LUC7L3: variants seen among roughly 807,000 people sequenced by gnomAD.
The protein encoded by LUC7L3 is LUC7 like 3 pre-mRNA splicing factor, also known as luc7-like protein 3.
In LUC7L3, 6 loss-of-function variants were observed where a neutral mutation model predicts 66.8. The ratio of observed to expected loss-of-function variants is 0.09; its 90% CI spans 0.05 to 0.18. The LOEUF (loss-of-function observed/expected upper bound fraction) is 0.18. LUC7L3 is among the 10% of genes least tolerant of loss of function. LUC7L3 has a pLI of 1.00. For synonymous variants in LUC7L3, 160 were observed against 174.7 expected, an observed-to-expected ratio of 0.92 and a Z score of 0.66; for missense variants, 341 against 531.1, an observed-to-expected ratio of 0.64 and a Z score of 3.52.
At chr17:50,730,529 A>AAAAAAAAAAAAAAAAAAAG (rs1567861403) in intron 1 of LUC7L3, among the ~76,000 whole-genome samples, 1 of 150,816 alleles carries the variant, frequency 6.6e-6, no homozygotes, top group African/African-American at 2.5e-5. Flanking sequence ...AAAAAAAAAA[A>AAAAAAAAAAAAAAAAAAAG]AAAAAAAAAG....
intron 1 of LUC7L3, among the ~76,000 whole-genome samples, chr17:50,725,880 A>G (rs576822602): frequency 1.3e-5 from 2 of 152,372 alleles, no homozygotes; most frequent in South Asian, 4.1e-4. Context: ...CACACAGTAC[A>G]TGGTGCCACT....
chr17:50,745,645 C>T, intron 7 of LUC7L3, 75 bp from the exon 8 acceptor site: 1 of 1,211,418 alleles, frequency 8.3e-7, no homozygotes, highest in Non-Finnish European at 1.2e-6. Context: ...CTACAGATAA[C>T]TTCACATTAG....
intron 5 of LUC7L3, among the ~76,000 whole-genome samples, chr17:50,742,937 A>T (rs967662700): frequency 1.3e-5 from 2 of 152,216 alleles, no homozygotes; most frequent in African/African-American, 4.8e-5. Flanking sequence ...GGTGGATCTT[A>T]AAATAATTAG....
Position 50,753,099 on chromosome 17 carries a change from C to T in LUC7L3, c.*2438C>T, listed in dbSNP as rs1282424788. ...TGTATAGGGTGTGTAGTATATATGG[C>T]AAGGGTTTTTTCCCCCCACTTAAGT... On this transcript the variant is annotated 3_prime_UTR_variant, in exon 10 of 10. Coordinates refer to ENST00000505658, the MANE Select transcript of LUC7L3 (RefSeq NM_016424.5). 1 of 152,122 alleles carries T rather than the reference C, an allele frequency of 6.6e-6. No homozygotes were observed. The highest frequency in any genetic ancestry group is 2.4e-5 in the African/African-American group (1 of 41,440). The allele number at this position is 152,122 out of a possible 1,614,324, so 9.4% of individuals were successfully genotyped here.
intron 9 of LUC7L3, 55 bp from the exon 10 acceptor site, chr17:50,750,446 T>C (rs746371053): frequency 8.6e-6 from 13 of 1,507,974 alleles, no homozygotes; most frequent in Non-Finnish European, 1.2e-5. Flanking sequence ...TTCAAAATCA[T>C]GTCTTTATTG....
At chr17:50,746,046 GT>G in intron 8 of LUC7L3, 43 bp downstream of exon 8, 1 of 1,537,854 alleles carries the variant, frequency 6.5e-7, no homozygotes, top group Non-Finnish European at 8.7e-7. Flanking sequence ...CATAATGGGT[GT>G]GCAATAACAA....
At chr17:50,740,146 A>G (rs1031699185) in intron 2 of LUC7L3, 160 bp from the exon 3 acceptor site, 9 of 588,334 alleles carry the variant, frequency 1.5e-5, no homozygotes, top group Non-Finnish European at 2.4e-5. Flanking sequence ...TTTGGTTATG[A>G]TGCTTCATGA....
chr17:50,741,510 C>T (rs1419639084), intron 4 of LUC7L3, 147 bp from the exon 5 acceptor site: 1 of 612,716 alleles, frequency 1.6e-6, no homozygotes, highest in East Asian at 2.9e-5. Flanking sequence ...ATGTGATTGA[C>T]CAACAGAAGT....
intron 5 of LUC7L3, among the ~76,000 whole-genome samples, chr17:50,742,232 T>G (rs1970393537): frequency 6.6e-6 from 1 of 152,208 alleles, no homozygotes; most frequent in South Asian, 2.1e-4. Flanking sequence ...ATTAAACTGA[T>G]CATACCAGCT....
chr17:50,726,419 A>G (rs748033169), intron 1 of LUC7L3, among the ~76,000 whole-genome samples: 3 of 152,096 alleles, frequency 2.0e-5, no homozygotes, highest in Admixed American at 6.6e-5. Context: ...TGATCCGCCC[A>G]CCTTGGCCTC....
chr17:50,756,071 G>A lies in LUC7L3; in HGVS notation c.*5410G>A, dbSNP rs1228334688. 6.6e-6 allele frequency: 1 copy of A among 152,154 alleles called. No individual in the cohort carries two copies. 9.4% of individuals were successfully genotyped at this position (152,154 alleles called of 1,614,324 possible). The stretch of plus-strand genomic sequence containing the variant: ...GTTAGCCGTTTTGATGGAGGGAGAG[G>A]TGATCATGAGGGCACAGGGGTCTTC... On this transcript the variant is annotated 3_prime_UTR_variant, in exon 10 of 10. Transcript: ENST00000505658.
Position 50,750,505 on chromosome 17 carries a change from G to C in LUC7L3, c.1143G>C (p.Lys381Asn). The C allele has an allele frequency of 6.2e-7, 1 of 1,612,068 alleles. No individual in the cohort carries two copies. Reference protein sequence around the residue: ...EQDRKSKEKEKRGSDDKKSSV... With the variant: ...EQDRKSKEKENRGSDDKKSSV... ...CAATGTCTTCTTTTATGGCAGAAAA[G>C]AGGGGATCTGATGATAAAAAAAGTA... The change falls in exon 10 of 10, where the codon AAG becomes AAC. Residue 381 changes from lysine (K) to asparagine (N), a missense_variant. This residue lies in a region of LUC7L3 where 210 missense variants were observed against 238.1 expected (regional missense o/e 0.88). Transcript: ENST00000505658.
At chr17:50,749,170 C>A (rs1159452714) in intron 9 of LUC7L3, 8 of 1,275,906 alleles carry the variant, frequency 6.3e-6, no homozygotes, top group Non-Finnish European at 8.2e-6. Flanking sequence ...AAATCCACCA[C>A]AAATTGTGGA....
Position 50,741,187 on chromosome 17 carries a change from C to A in LUC7L3, c.292C>A (p.Arg98Ser). The A allele has an allele frequency of 6.2e-7, 1 of 1,614,092 alleles. No homozygotes were observed. The highest frequency in any genetic ancestry group is 8.5e-7 in the Non-Finnish European group (1 of 1,180,008). Residue 98 changes from arginine (R) to serine (S), a missense_variant, in exon 4 of 10, where the codon CGT becomes AGT. Physicochemically the swap from Arg to Ser is moderately radical, Grantham distance 110. This residue lies in a region of LUC7L3 where 86 missense variants were observed against 172.0 expected (regional missense o/e 0.50). Transcript: ENST00000505658. ...YLQSLLAEVE[R>S]RIRRGHARLA... ...ACAGAGCTTACTTGCAGAAGTAGAA[C>A]GTAGGATCAGACGAGGCCATGCTCG...
At chr17:50,730,545 A>C (rs1348742946) in intron 1 of LUC7L3, among the ~76,000 whole-genome samples, 1 of 151,316 alleles carries the variant, frequency 6.6e-6, no homozygotes, top group East Asian at 1.9e-4. Flanking sequence ...AAAAGACCTA[A>C]AAATAGTGCA....
intron 8 of LUC7L3, among the ~76,000 whole-genome samples, 159 bp from the exon 9 acceptor site, chr17:50,746,383 T>C (rs1298140522): frequency 2.6e-5 from 4 of 152,238 alleles, no homozygotes; most frequent in Admixed American, 2.6e-4. Context: ...GAGATGAATT[T>C]AGAAAGATTT....
intron 1 of LUC7L3, among the ~76,000 whole-genome samples, chr17:50,720,320 G>T (rs574966138): frequency 3.3e-5 from 5 of 152,340 alleles, no homozygotes; most frequent in Admixed American, 6.5e-5. Flanking sequence ...TCGTTTACTT[G>T]TTAGGGTTTA....
At chr17:50,725,631 G>A (rs9910545) in intron 1 of LUC7L3, among the ~76,000 whole-genome samples, 51 of 152,150 alleles carry the variant, frequency 3.4e-4, no homozygotes, top group African/African-American at 1.2e-3. Flanking sequence ...ACGGGTTTGA[G>A]TTGAGTGTGT....
intron 1 of LUC7L3, among the ~76,000 whole-genome samples, chr17:50,724,833 C>T (rs987380656): frequency 6.8e-6 from 1 of 147,214 alleles, no homozygotes; most frequent in Non-Finnish European, 1.5e-5. Context: ...GTGATCTCAG[C>T]TCACTGCAAC....
Sources: allele counts gnomAD v4.1 joint callset (sites outside exome capture counted in the v4.1 genomes callset), GRCh38; gene constraint gnomAD v4.1.1; regional missense constraint gnomAD v4.1.1; transcripts MANE v1.5; gene names NCBI Gene and HGNC (gene_info 2026-07-23, HGNC 2026-07-21).